The following FYTTD1 variants were observed in gnomAD, a reference collection of about 807,000 sequenced individuals.
The protein encoded by FYTTD1 is forty-two-three domain containing 1.
FYTTD1 carries 22 observed loss-of-function variants against 40.9 expected under a neutral mutation model. The observed-to-expected ratio is 0.54, with a 90% confidence interval of 0.38 to 0.77. The LOEUF (loss-of-function observed/expected upper bound fraction) is 0.77, where lower values mean the gene tolerates loss of function less well. Ranked by LOEUF, FYTTD1 falls within the 30% of genes least tolerant of loss-of-function variation. The pLI, the probability that FYTTD1 is intolerant of heterozygous loss-of-function variation, is 0.00. For missense variants in FYTTD1, 351 were observed against 392.2 expected (o/e 0.90, Z 0.89); for synonymous variants, 140 against 137.9 (o/e 1.01, Z -0.10).
chr3:197,773,547 C>A, intron 5 of FYTTD1, 48 bp downstream of exon 5: 1 of 716,446 alleles, frequency 1.4e-6, no homozygotes, highest in Non-Finnish European at 2.3e-6. Context: ...TTGTTTTTTC[C>A]CAAAGAGGAT....
chr3:197,760,612 A>T (rs1431823125), intron 2 of FYTTD1, among the ~76,000 whole-genome samples: 1 of 151,774 alleles, frequency 6.6e-6, no homozygotes, highest in Admixed American at 6.6e-5. Flanking sequence ...GGTAGAATGT[A>T]TAGAGTTGTT....
intron 2 of FYTTD1, among the ~76,000 whole-genome samples, chr3:197,760,499 G>A (rs1161583325): frequency 8.6e-5 from 13 of 151,546 alleles, no homozygotes; most frequent in Non-Finnish European, 1.8e-4. Flanking sequence ...GGGGTAGAAT[G>A]TATAGAGTTG....
At chr3:197,750,382 G>T in intron 1 of FYTTD1, 1 of 1,096,374 alleles carries the variant, frequency 9.1e-7, no homozygotes, top group Non-Finnish European at 1.1e-6. Flanking sequence ...CTTCTCCCCG[G>T]AGGGGCTACG....
intron 2 of FYTTD1, among the ~76,000 whole-genome samples, chr3:197,761,296 G>C (rs1356929063): frequency 2.0e-5 from 3 of 151,854 alleles, no homozygotes; most frequent in Non-Finnish European, 4.4e-5. Flanking sequence ...GTTCCTCAGT[G>C]GTGGAATGTA....
In FYTTD1 at chr3:197,782,683, C is replaced by T. The variant is rs1730058713; in HGVS notation, c.*774C>T. 6.6e-6 allele frequency: 1 copy of T among 152,104 alleles called. No homozygotes were observed. Among genetic ancestry groups the T allele is most frequent in the South Asian group, 2.1e-4 (1 of 4,828 alleles). The allele number at this position is 152,104 out of a possible 1,614,324, so 9.4% of individuals were successfully genotyped here. ...AGGAAGTAAGTAGCAAGTTGAAGGA[C>T]AGGTAGTTGAGATGAAACACTTCAA... On this transcript the variant is annotated 3_prime_UTR_variant, in exon 9 of 9. Transcript: ENST00000241502.
chr3:197,753,160 C>T (rs1304433111), intron 1 of FYTTD1, among the ~76,000 whole-genome samples: 1 of 152,072 alleles, frequency 6.6e-6, no homozygotes, highest in Non-Finnish European at 1.5e-5. Flanking sequence ...CCATTTCTAT[C>T]CTAGACATCA....
chr3:197,749,870 T>G, upstream of FYTTD1: 1 of 708,642 alleles, frequency 1.4e-6, no homozygotes, highest in East Asian at 3.6e-5. Context: ...CGCCGGCGCG[T>G]GCGCGCTCCC....
At chr3:197,771,456 T>C (rs6583256) in intron 4 of FYTTD1, among the ~76,000 whole-genome samples, 131,753 of 152,060 alleles carry the variant, frequency 0.87, 57,158 homozygotes, top group East Asian at 0.99. Context: ...TCAGGAGTTA[T>C]GTGGCAAAAC....
intron 6 of FYTTD1, 26 bp from the exon 7 acceptor site, chr3:197,776,901 A>T (rs766446741): frequency 4.5e-5 from 67 of 1,488,610 alleles, no homozygotes; most frequent in Non-Finnish European, 5.9e-5. Flanking sequence ...CATTTAATGA[A>T]TTTTTTTTAT....
At chr3:197,772,315 G>A (rs978136236) in intron 4 of FYTTD1, among the ~76,000 whole-genome samples, 1 of 152,236 alleles carries the variant, frequency 6.6e-6, no homozygotes, top group African/African-American at 2.4e-5. Context: ...TTAAACACTC[G>A]TTTATATAGT....
chr3:197,758,847 A>T (rs138695426), intron 2 of FYTTD1, among the ~76,000 whole-genome samples: 1 of 152,338 alleles, frequency 6.6e-6, no homozygotes, highest in African/African-American at 2.4e-5. Context: ...GAGGTAAGAG[A>T]AATAAGTAGG....
chr3:197,769,286 C>T (rs1051395269), intron 3 of FYTTD1, among the ~76,000 whole-genome samples: 1 of 149,516 alleles, frequency 6.7e-6, no homozygotes, highest in South Asian at 2.1e-4. Context: ...CGGGGTTTCA[C>T]CATGCTGGCC....
At chr3:197,773,825 G>A (rs1729788383) in intron 5 of FYTTD1, among the ~76,000 whole-genome samples, 1 of 144,794 alleles carries the variant, frequency 6.9e-6, no homozygotes, top group African/African-American at 2.9e-5. Context: ...ACCCCACTGG[G>A]TTAGGAAGTT....
intron 2 of FYTTD1, among the ~76,000 whole-genome samples, chr3:197,759,526 T>C (rs1729308984): frequency 6.6e-6 from 1 of 151,996 alleles, no homozygotes; most frequent in Non-Finnish European, 1.5e-5. Context: ...TCCTCAGTGG[T>C]AGAACGTATG....
intron 4 of FYTTD1, 103 bp from the exon 5 acceptor site, chr3:197,773,300 C>T: frequency 3.0e-6 from 2 of 659,288 alleles, no homozygotes; most frequent in South Asian, 1.9e-5. Flanking sequence ...TTTCTTGCAC[C>T]TCATGTTTGC....
chr3:197,752,488 T>C (rs1606518), intron 1 of FYTTD1, among the ~76,000 whole-genome samples: 129,628 of 152,010 alleles, frequency 0.85, 55,416 homozygotes, highest in East Asian at 1. Flanking sequence ...GTATGTATGC[T>C]TTTATTTTTA....
rs545288805 is a variant in FYTTD1, at chr3:197,763,243, A to C, written c.236-5196A>C. Among the ~76,000 whole-genome samples, 52 of 151,658 alleles carry C rather than the reference A, an allele frequency of 3.4e-4. 1 individual carries two copies. Among genetic ancestry groups the C allele is most frequent in the Non-Finnish European group, 6.6e-4 (45 of 67,880 alleles). On this transcript the variant is annotated intron_variant, in intron 2 of 8. Transcript: ENST00000241502. ...AGCCTGGCCAACATGGCAAAACCCT[A>C]TCTCTACTAAAAATACAACAATTAG...
At chr3:197,749,645 T>C, upstream of FYTTD1, 1 of 891,848 alleles carries the variant, frequency 1.1e-6, no homozygotes, top group Non-Finnish European at 1.6e-6. Flanking sequence ...GGCATAAGAT[T>C]CAGAGGTGCC....
intron 1 of FYTTD1, among the ~76,000 whole-genome samples, chr3:197,753,753 TTTTA>T (rs932067978): frequency 6.6e-6 from 1 of 152,080 alleles, no homozygotes; most frequent in African/African-American, 2.4e-5. Flanking sequence ...CTGTATTTTA[TTTTA>T]TTTATTTATT....
Sources: gnomAD v4.1 joint callset for allele counts (sites outside exome capture counted in the v4.1 genomes callset) on GRCh38, gnomAD v4.1.1 for gene constraint, MANE v1.5 for transcripts, NCBI Gene and HGNC (gene_info 2026-07-23, HGNC 2026-07-21) for gene names.